WEE1: variants seen among roughly 807,000 people sequenced by gnomAD.
WEE1 encodes the protein wee1-like protein kinase.
Under a neutral mutation model 68.8 loss-of-function variants are expected in WEE1, and 16 were observed. The observed-to-expected ratio is 0.23, with a 90% confidence interval of 0.16 to 0.35. The LOEUF (loss-of-function observed/expected upper bound fraction) is 0.35. Among genes scored for constraint, WEE1 ranks in the 10% least tolerant of loss-of-function variants. WEE1 has a pLI of 1.00. For missense variants in WEE1, 651 were observed against 824.1 expected (o/e 0.79, Z 2.57); for synonymous variants, 349 against 318.7 (o/e 1.09, Z -1.01).
At chr11:9,582,012 T>C (rs980474214) in intron 6 of WEE1, among the ~76,000 whole-genome samples, 3 of 152,238 alleles carry the variant, frequency 2.0e-5, no homozygotes, top group Admixed American at 6.5e-5. Context: ...TATAGGCATG[T>C]GCCACCATGC....
At position 9,574,524 on chromosome 11, in the gene WEE1, C is replaced by T; in HGVS notation, c.576+15C>T. ...ACACGCCCAAGGTGAGAGCGGCGGG[C>T]GCGGGCACCCGGCGGCCGGGGCCGC... On this transcript the variant is annotated intron_variant, in intron 1 of 10. Coordinates refer to ENST00000450114, the MANE Select transcript of WEE1 (RefSeq NM_003390.4). This position sits in a 1 kb window ranked among gnomAD's most constrained non-coding sequence, Gnocchi z 4.9. The T allele has an allele frequency of 8.3e-7, 1 of 1,202,030 alleles. No individual in the cohort carries two copies. Among genetic ancestry groups the T allele is most frequent in the Middle Eastern group, 3.3e-4 (1 of 2,992 alleles). 74.5% of individuals were successfully genotyped at this position (1,202,030 alleles called of 1,614,324 possible).
At chr11:9,588,079 A>G (rs921661511) in intron 10 of WEE1, among the ~76,000 whole-genome samples, 1 of 152,086 alleles carries the variant, frequency 6.6e-6, no homozygotes, top group Non-Finnish European at 1.5e-5. Context: ...CAGTGGCACT[A>G]TCATAGCTCA....
chr11:9,573,858 C>T lies in WEE1; in HGVS notation c.-76C>T. 8.6e-7 allele frequency: 1 copy of T among 1,165,834 alleles called. No homozygotes were observed. Among genetic ancestry groups the T allele is most frequent in the Non-Finnish European group, 1.1e-6 (1 of 938,022 alleles). 72.2% of individuals were successfully genotyped at this position (1,165,834 alleles called of 1,614,324 possible). A position where few individuals can be genotyped will look rare whatever the true frequency, so the allele number is the denominator to read the frequency against. On this transcript the variant is annotated 5_prime_UTR_variant, in exon 1 of 11. Coordinates refer to ENST00000450114, the MANE Select transcript of WEE1 (RefSeq NM_003390.4). ...GCGCGCCCAGCCGCACGTGGCGGAC[C>T]CGCCCCCAGGCCCGCAGTGTCCTGG... is the stretch of plus-strand genomic sequence containing the variant.
rs553377220 is a variant in WEE1 at position 9,589,683 on chromosome 11, A to G, written c.*1081A>G. 2 of 985,790 alleles carry G rather than the reference A, an allele frequency of 2.0e-6. No individual in the cohort carries two copies. The highest frequency in any genetic ancestry group is 6.1e-5 in the Admixed American group (1 of 16,280). 61.1% of individuals were successfully genotyped at this position (985,790 alleles called of 1,614,324 possible). ...TTTCTCATTAATTTTGGTCTAAAAC[A>G]TGTTTGCACTTGTCTTTGACTTGTG... On this transcript the variant is annotated 3_prime_UTR_variant, in exon 11 of 11. Transcript: ENST00000450114.
intron 6 of WEE1, among the ~76,000 whole-genome samples, chr11:9,583,901 A>G (rs1379809016): frequency 2.1e-5 from 3 of 142,668 alleles, no homozygotes; most frequent in Admixed American, 7.3e-5. Context: ...GCTGGAGTGC[A>G]GTAGTGCGAT....
Position 9,574,653 on chromosome 11 carries a change from G to C in WEE1, c.576+144G>C. The C allele has an allele frequency of 9.0e-7, 1 of 1,114,278 alleles. No homozygotes were observed. Among genetic ancestry groups the C allele is most frequent in the African/African-American group, 1.7e-5 (1 of 60,484 alleles). 69.0% of individuals were successfully genotyped at this position (1,114,278 alleles called of 1,614,324 possible). On this transcript the variant is annotated intron_variant, in intron 1 of 10. Coordinates refer to ENST00000450114, the MANE Select transcript of WEE1 (RefSeq NM_003390.4). This position sits in a 1 kb window ranked among gnomAD's most constrained non-coding sequence, Gnocchi z 4.9. ...GCCCCCCAAAGTTGGCAGCCCTTGT[G>C]TTTGGCCCTGCCCCGAGGTTGTCCG...
intron 5 of WEE1, chr11:9,577,851 A>G (rs1000025321): frequency 4.4e-6 from 2 of 456,078 alleles, no homozygotes; most frequent in African/African-American, 4.0e-5. Flanking sequence ...CAAAACAGGC[A>G]TGTATAGATT....
chr11:9,586,118 CAG>C (rs1452009524), intron 8 of WEE1, among the ~76,000 whole-genome samples: 1 of 152,082 alleles, frequency 6.6e-6, no homozygotes. Context: ...TGTAACTTGT[CAG>C]TGTGTTTCTA....
chr11:9,576,351 G>T lies in WEE1; in HGVS notation c.846+58G>T. ...TTTACTTTTCTGCCACTTAAAGCATGCTATGAATATGTTAATAAGCATTAA... is the reference window on the plus strand; with the variant it reads ...TTTACTTTTCTGCCACTTAAAGCATTCTATGAATATGTTAATAAGCATTAA... On this transcript the variant is annotated intron_variant, in intron 3 of 10. Transcript: ENST00000450114. The surrounding 1 kb of genome is among the most constrained non-coding windows in gnomAD (Gnocchi z 4.3). 2 of 1,536,842 alleles carry T rather than the reference G, an allele frequency of 1.3e-6. No homozygotes were observed. The highest frequency in any genetic ancestry group is 2.0e-4 in the Middle Eastern group (1 of 4,990).
At chr11:9,582,057 T>C (rs368143511) in intron 6 of WEE1, among the ~76,000 whole-genome samples, 2 of 152,232 alleles carry the variant, frequency 1.3e-5, no homozygotes, top group East Asian at 3.9e-4. Context: ...AGCCAGAAAT[T>C]TTTGCTGCAT....
rs1849630799 is a variant in WEE1 at position 9,581,766 on chromosome 11, C to A, written c.1288+88C>A. The A allele has an allele frequency of 6.9e-6, 9 of 1,310,178 alleles. No individual in the cohort carries two copies. In the South Asian group the frequency reaches 1.2e-4, roughly 17 times the overall value. The allele number at this position is 1,310,178 out of a possible 1,614,324, so 81.2% of individuals were successfully genotyped here. ...ATGACAACATTGAAAAAATATATATCTTCTGTTTTCTCATTGTTAGTTTTA... is the reference window on the plus strand; with the variant it reads ...ATGACAACATTGAAAAAATATATATATTCTGTTTTCTCATTGTTAGTTTTA... On this transcript the variant is annotated intron_variant, in intron 6 of 10. Transcript: ENST00000450114.
chr11:9,589,675 T>C lies in WEE1; in HGVS notation c.*1073T>C. 1.0e-6 allele frequency: 1 copy of C among 985,814 alleles called. No homozygotes were observed. Among genetic ancestry groups the C allele is most frequent in the Non-Finnish European group, 1.2e-6 (1 of 829,872 alleles). 61.1% of individuals were successfully genotyped at this position (985,814 alleles called of 1,614,324 possible). ...CTGTTTGTTTTCTCATTAATTTTGG[T>C]CTAAAACATGTTTGCACTTGTCTTT... On this transcript the variant is annotated 3_prime_UTR_variant, in exon 11 of 11. Transcript: ENST00000450114.
chr11:9,585,524 G>A lies in WEE1; in HGVS notation c.1467G>A (p.Gln489=). ...GTTTTCTTGCAAATGAAGTTTTACA[G>A]GAGGTAATTTTTCTTCTCCCTTAAT... ...DSRFLANEVL[Q]ENYTHLPKAD... The change falls in exon 8 of 11, where the codon CAG becomes CAA. Residue 489 remains glutamine (Q), a synonymous_variant. Coordinates refer to ENST00000450114, the MANE Select transcript of WEE1 (RefSeq NM_003390.4). 3 of 1,581,840 alleles carry A rather than the reference G, an allele frequency of 1.9e-6. No homozygotes were observed. The highest frequency in any genetic ancestry group is 1.7e-4 in the Middle Eastern group (1 of 5,902).
intron 5 of WEE1, chr11:9,579,540 A>G (rs532485690): frequency 6.6e-6 from 1 of 152,332 alleles, no homozygotes; most frequent in East Asian, 1.9e-4. Context: ...ATATTGATGG[A>G]TAGGGAAAGA....
chr11:9,583,794 CACACACACATATATATATATATAT>C (rs1162850660), intron 6 of WEE1, among the ~76,000 whole-genome samples: 169 of 27,494 alleles, frequency 6.1e-3, no homozygotes, highest in Non-Finnish European at 9.4e-3. Flanking sequence ...CACACACACA[CACACACACATATATATATATATAT>C]ATATATATAT....
chr11:9,585,067 A>G, intron 6 of WEE1, 191 bp from the exon 7 acceptor site: 1 of 572,948 alleles, frequency 1.7e-6, no homozygotes. Context: ...TGTCTCAAAA[A>G]AAAACAAAAA....
At position 9,588,766 on chromosome 11, in the gene WEE1, C is replaced by A; in HGVS notation, c.*164C>A. 7.9e-7 allele frequency: 1 copy of A among 1,265,658 alleles called. No individual in the cohort carries two copies. The highest frequency in any genetic ancestry group is 1.0e-6 in the Non-Finnish European group (1 of 1,001,508). 78.4% of individuals were successfully genotyped at this position (1,265,658 alleles called of 1,614,324 possible). On this transcript the variant is annotated 3_prime_UTR_variant, in exon 11 of 11. Transcript: ENST00000450114. ...GTTGAAAGCTGTATTTTGATGATTG[C>A]TATGTCAGGCTTTCATCTAATCTTA... is the stretch of plus-strand genomic sequence containing the variant.
At chr11:9,575,194 G>C in intron 1 of WEE1, 1 of 985,520 alleles carries the variant, frequency 1.0e-6, no homozygotes, top group Non-Finnish European at 1.2e-6. Context: ...CGTGTGATTA[G>C]GAACATCCTA....
At chr11:9,587,792 A>G (rs1849717965) in intron 10 of WEE1, among the ~76,000 whole-genome samples, 1 of 152,144 alleles carries the variant, frequency 6.6e-6, no homozygotes, top group Non-Finnish European at 1.5e-5. Context: ...GGTTATGTTA[A>G]CAATTAATAT....
Sources: gnomAD v4.1 joint callset for allele counts (sites outside exome capture counted in the v4.1 genomes callset) on GRCh38, gnomAD v4.1.1 for gene constraint, Gnocchi (gnomAD v3.1) non-coding constraint, MANE v1.5 for transcripts, NCBI Gene and HGNC (gene_info 2026-07-23, HGNC 2026-07-21) for gene names.